Variants in KCNJ5 observed in about 807,000 individuals in gnomAD.
The protein encoded by KCNJ5 is G protein-activated inward rectifier potassium channel 4.
A neutral mutation model predicts 20.2 loss-of-function variants in KCNJ5; 12 were observed. The observed-to-expected ratio is 0.59, with a 90% CI of 0.38 to 0.96. The LOEUF (loss-of-function observed/expected upper bound fraction) is 0.96, where lower values mean the gene tolerates loss of function less well. KCNJ5 is among the 40% of genes least tolerant of loss of function. KCNJ5 has a pLI of 0.00. For missense variants in KCNJ5, 449 were observed against 557.6 expected (o/e 0.81, Z 1.96); for synonymous variants, 210 against 213.9 (o/e 0.98, Z 0.16).
chr11:128,903,399 A>G, intron 1 of KCNJ5: 1 of 1,614,170 alleles, frequency 6.2e-7, no homozygotes, highest in Non-Finnish European at 8.5e-7. Flanking sequence ...TGTAGACGGC[A>G]GAGCTCAGCA....
chr11:128,891,944 A>G (rs928120739), intron 1 of KCNJ5, among the ~76,000 whole-genome samples: 4 of 152,218 alleles, frequency 2.6e-5, no homozygotes, highest in Non-Finnish European at 5.9e-5. Context: ...GCCCAGCCAT[A>G]AACACCTTCA....
At position 128,906,794 on chromosome 11, in the gene KCNJ5, C is replaced by T. The variant is rs1207867534; in HGVS notation, c.-10-4470C>T. ...TTGGGTCAAGCTCACCCCAGATGAA[C>T]TTTCTTTCTTCAGTTCAGCTCTGCC... On this transcript the variant is annotated intron_variant, in intron 1 of 2. Coordinates refer to ENST00000529694, the MANE Select transcript of KCNJ5 (RefSeq NM_000890.5). 3.3e-5 allele frequency among the ~76,000 whole-genome samples: 5 copies of T among 152,130 alleles called. No homozygotes were observed. In the East Asian group the frequency reaches 9.6e-4, roughly 29 times the overall value.
At chr11:128,895,395 C>A (rs1230679488) in intron 1 of KCNJ5, among the ~76,000 whole-genome samples, 1 of 118,502 alleles carries the variant, frequency 8.4e-6, no homozygotes, top group Non-Finnish European at 1.9e-5. Context: ...CCCCCCCCAA[C>A]CCCAGGGATG....
intron 1 of KCNJ5, among the ~76,000 whole-genome samples, chr11:128,893,868 C>G (rs572871319): frequency 2.6e-5 from 4 of 152,352 alleles, no homozygotes; most frequent in Non-Finnish European, 5.9e-5. Flanking sequence ...GTCTGTGGGT[C>G]CAGCAGAGAC....
intron 2 of KCNJ5, among the ~76,000 whole-genome samples, chr11:128,913,841 G>A (rs1418353369): frequency 4.6e-5 from 7 of 152,224 alleles, no homozygotes; most frequent in Admixed American, 2.0e-4. Flanking sequence ...AAATACTAGC[G>A]GCCTGTCAGG....
At chr11:128,914,092 GTTTC>G (rs1362728762) in intron 2 of KCNJ5, among the ~76,000 whole-genome samples, 3 of 152,224 alleles carry the variant, frequency 2.0e-5, no homozygotes, top group African/African-American at 7.2e-5. Context: ...ACTCAGGAAG[GTTTC>G]CCCCACAGAG....
At chr11:128,900,487 G>A (rs1944256665) in intron 1 of KCNJ5, 1 of 152,190 alleles carries the variant, frequency 6.6e-6, no homozygotes, top group Non-Finnish European at 1.5e-5. Flanking sequence ...ATCCTCCAAG[G>A]ATGGAGTTAA....
rs1270905316 is a variant in KCNJ5 at position 128,911,861 on chromosome 11, A to G, written c.588A>G (p.Arg196=). The change falls in exon 2 of 3, where the codon AGA becomes AGG. Residue 196 remains arginine, a synonymous_variant. Coordinates refer to ENST00000529694, the MANE Select transcript of KCNJ5 (RefSeq NM_000890.5). This position sits in a 1 kb window ranked among gnomAD's most constrained non-coding sequence, Gnocchi z 6.3. ...MFVKISQPKK[R]AETLMFSNNA... is the part of the protein sequence containing the mutation. ...TCAAGATCAGCCAGCCCAAGAAGAG[A>G]GCGGAGACCCTCATGTTTTCCAACA... The G allele has an allele frequency of 1.9e-6, 3 of 1,612,950 alleles. No homozygotes were observed. Among genetic ancestry groups the G allele is most frequent in the Admixed American group, 3.3e-5 (2 of 59,996 alleles).
At chr11:128,906,130 C>T (rs892684132) in intron 1 of KCNJ5, 1 of 148,448 alleles carries the variant, frequency 6.7e-6, no homozygotes, top group Admixed American at 6.8e-5. Context: ...CTCCTGTAAA[C>T]CAGGCACTGT....
At position 128,902,489 on chromosome 11, in the gene KCNJ5, A is replaced by G. The variant is rs139638933; in HGVS notation, c.-10-8775A>G. On this transcript the variant is annotated intron_variant, in intron 1 of 2. Coordinates refer to ENST00000529694, the MANE Select transcript of KCNJ5 (RefSeq NM_000890.5). Reference sequence around the variant, plus strand: ...GAACCCCGCACTTTAAGGAACAGGGATGTCATAGCAGCCGTCTGCATGGGG... The same window carrying G: ...GAACCCCGCACTTTAAGGAACAGGGGTGTCATAGCAGCCGTCTGCATGGGG... The G allele has an allele frequency of 1.8e-4, 283 of 1,545,924 alleles. 2 individuals carry two copies. The East Asian group carries it at 2.8e-3, about 15-fold the overall frequency.
intron 1 of KCNJ5, among the ~76,000 whole-genome samples, chr11:128,898,516 A>G (rs1392850649): frequency 6.6e-6 from 1 of 152,268 alleles, no homozygotes; most frequent in Non-Finnish European, 1.5e-5. Flanking sequence ...AAGCGCCAAG[A>G]TGCAGTTCCC....
intron 1 of KCNJ5, among the ~76,000 whole-genome samples, chr11:128,895,977 C>T (rs576013084): frequency 3.5e-4 from 54 of 152,312 alleles, no homozygotes; most frequent in Admixed American, 3.2e-3. Context: ...GGCACCTGCC[C>T]CCAGCCCCAA....
intron 1 of KCNJ5, chr11:128,903,426 G>A: frequency 6.2e-7 from 1 of 1,614,188 alleles, no homozygotes; most frequent in Non-Finnish European, 8.5e-7. Flanking sequence ...CACAGGTTCT[G>A]GTTACTATGG....
Position 128,911,902 on chromosome 11 carries a change from T to C in KCNJ5, c.629T>C (p.Met210Thr). The C allele has an allele frequency of 1.9e-6, 3 of 1,607,496 alleles. No individual in the cohort carries two copies. Among genetic ancestry groups the C allele is most frequent in the South Asian group, 1.1e-5 (1 of 90,630 alleles). ...LMFSNNAVISMRDEKLCLMFR... is the reference protein window; with the variant it reads ...LMFSNNAVISTRDEKLCLMFR... ...TTTTCCAACAACGCAGTCATCTCCA[T>C]GCGGGACGAGAAGCTGTGCCTCATG... The change falls in exon 2 of 3, where the codon ATG becomes ACG. Residue 210 changes from methionine (M) to threonine (T), a missense_variant. By Grantham distance (81) the Met-to-Thr change is moderately conservative. Coordinates refer to ENST00000529694, the MANE Select transcript of KCNJ5 (RefSeq NM_000890.5). This position sits in a 1 kb window ranked among gnomAD's most constrained non-coding sequence, Gnocchi z 6.3.
chr11:128,902,454 A>G, intron 1 of KCNJ5: 4 of 1,463,346 alleles, frequency 2.7e-6, no homozygotes, highest in Non-Finnish European at 3.7e-6. Context: ...AGGGAGGAGA[A>G]GGCAGCGAGG....
rs35966521 is a variant in KCNJ5 at position 128,897,093 on chromosome 11, CTTTTTTT to C, written c.-11+5388_-11+5394del. Among the ~76,000 whole-genome samples the C allele has an allele frequency of 6.9e-4, 69 of 100,086 alleles. 1 individual carries two copies. Among genetic ancestry groups the C allele is most frequent in the Middle Eastern group, 6.7e-3 (1 of 150 alleles). 65.7% of individuals were successfully genotyped at this position (100,086 alleles called of 152,430 possible). A position where few individuals can be genotyped will look rare whatever the true frequency, so the allele number is the denominator to read the frequency against. On this transcript the variant is annotated intron_variant, in intron 1 of 2. Coordinates refer to ENST00000529694, the MANE Select transcript of KCNJ5 (RefSeq NM_000890.5). ...CCCTGATTACTAATACCGTTTACCA[CTTTTTTT>C]TTTTTTTTTTTTTTTGAGACAGAGT...
At chr11:128,913,410 A>G (rs1944530906) in intron 2 of KCNJ5, among the ~76,000 whole-genome samples, 1 of 152,142 alleles carries the variant, frequency 6.6e-6, no homozygotes, top group South Asian at 2.1e-4. Context: ...AGGACCCCCC[A>G]GTTCCTCAGC....
At position 128,895,727 on chromosome 11, in the gene KCNJ5, G is replaced by T. The variant is rs561696350; in HGVS notation, c.-11+4006G>T. On this transcript the variant is annotated intron_variant, in intron 1 of 2. Coordinates refer to ENST00000529694, the MANE Select transcript of KCNJ5 (RefSeq NM_000890.5). ...CTGAGCTCTCAGACCACTGCCTGGG[G>T]GCGGGCAGAGCTGCTGGAGAGACTC... 5.2e-5 allele frequency among the ~76,000 whole-genome samples: 8 copies of T among 152,382 alleles called. No individual in the cohort carries two copies. In the South Asian group the frequency reaches 1.7e-3, roughly 32 times the overall value.
At chr11:128,894,705 G>A (rs1470318666) in intron 1 of KCNJ5, among the ~76,000 whole-genome samples, 1 of 152,200 alleles carries the variant, frequency 6.6e-6, no homozygotes, top group Non-Finnish European at 1.5e-5. Flanking sequence ...AAAACAGAGT[G>A]GACAGCTTCC....
Sources: gnomAD v4.1 joint callset for allele counts (sites outside exome capture counted in the v4.1 genomes callset) on GRCh38, gnomAD v4.1.1 for gene constraint, Gnocchi (gnomAD v3.1) non-coding constraint, MANE v1.5 for transcripts, NCBI Gene and HGNC (gene_info 2026-07-23, HGNC 2026-07-21) for gene names.